The following CYP2C19 variants were observed in gnomAD, a reference collection of about 807,000 sequenced individuals.
CYP2C19 encodes cytochrome P450 2C19.
A neutral mutation model predicts 40.9 loss-of-function variants in CYP2C19; 59 were observed. The observed-to-expected ratio is 1.44, with a 90% CI of 1.17 to 1.79. The LOEUF is 1.79. CYP2C19 is among the 40% of genes most tolerant of loss of function. The pLI is 0.00. For synonymous variants in CYP2C19, 253 were observed against 208.7 expected (o/e 1.21, Z -1.83); for missense variants, 754 against 596.9 (o/e 1.26, Z -2.74).
At chr10:94,820,225 T>G (rs1203097976) in intron 5 of CYP2C19, among the ~76,000 whole-genome samples, 1 of 152,010 alleles carries the variant, frequency 6.6e-6, no homozygotes, top group African/African-American at 2.4e-5. Context: ...AAATTAGGTA[T>G]TGATGGGATG....
rs1285642989 is a variant in CYP2C19, at chr10:94,853,165, ATAT to A, written c.*260_*262del. 2.3e-5 allele frequency: 11 copies of A among 481,180 alleles called. No homozygotes were observed. The Admixed American group carries it at 3.0e-4, about 13-fold the overall frequency. The allele number at this position is 481,180 out of a possible 1,614,324, so 29.8% of individuals were successfully genotyped here. ...ACTTGTCTAATGTTGAGTTATTAAC[ATAT>A]TATTATTAAATAGAGAAAGATGATT... On this transcript the variant is annotated 3_prime_UTR_variant, in exon 9 of 9. Coordinates refer to ENST00000371321, the MANE Select transcript of CYP2C19 (RefSeq NM_000769.4).
chr10:94,826,272 G>T lies in CYP2C19; in HGVS notation c.961+5635G>T, dbSNP rs1320139785. Among the ~76,000 whole-genome samples the T allele has an allele frequency of 2.0e-5, 3 of 152,110 alleles. No homozygotes were observed. The East Asian group carries it at 5.8e-4, about 29-fold the overall frequency. On this transcript the variant is annotated intron_variant, in intron 6 of 8. Coordinates refer to ENST00000371321, the MANE Select transcript of CYP2C19 (RefSeq NM_000769.4). ...GCAGTATGGCCATTTTCACAATATT[G>T]ATTCTTCCGACCCATGAGCATGGAA...
In CYP2C19 at chr10:94,853,059, T is replaced by A; in HGVS notation, c.*145T>A. 1.2e-6 allele frequency: 1 copy of A among 851,446 alleles called. No individual in the cohort carries two copies. Among genetic ancestry groups the A allele is most frequent in the Non-Finnish European group, 1.8e-6 (1 of 558,986 alleles). The allele number at this position is 851,446 out of a possible 1,614,324, so 52.7% of individuals were successfully genotyped here. A position where few individuals can be genotyped will look rare whatever the true frequency, so the allele number is the denominator to read the frequency against. ...AGATCTAGTGAACATTCAGCCTCCA[T>A]TAAAAAAGTTTCACTGTGCAAATAT... On this transcript the variant is annotated 3_prime_UTR_variant, in exon 9 of 9. Coordinates refer to ENST00000371321, the MANE Select transcript of CYP2C19 (RefSeq NM_000769.4).
intron 8 of CYP2C19, among the ~76,000 whole-genome samples, chr10:94,852,530 A>G (rs1279242827): frequency 6.6e-6 from 1 of 152,192 alleles, no homozygotes; most frequent in Admixed American, 6.5e-5. Context: ...TTAGTTGCCT[A>G]TCCATCCATT....
intron 5 of CYP2C19, among the ~76,000 whole-genome samples, chr10:94,786,964 C>G (rs993319862): frequency 5.3e-5 from 8 of 152,066 alleles, no homozygotes; most frequent in Admixed American, 5.2e-4. Flanking sequence ...GACATATGAG[C>G]ACATGTGTCT....
At chr10:94,827,735 A>G (rs1485729874) in intron 6 of CYP2C19, among the ~76,000 whole-genome samples, 10 of 151,928 alleles carry the variant, frequency 6.6e-5, no homozygotes, top group Non-Finnish European at 1.3e-4. Context: ...TTGCTTTTCT[A>G]GTTCTTTTAA....
rs149452866 is a variant in CYP2C19 at position 94,809,776 on chromosome 10, G to C, written c.820-10720G>C. Among the ~76,000 whole-genome samples the C allele has an allele frequency of 3.9e-3, 597 of 152,128 alleles. 1 individual carries two copies. The highest frequency in any genetic ancestry group is 5.9e-3 in the Non-Finnish European group (404 of 67,968). ...TTTATTGAGAGTTTTTAGCATGAAG[G>C]GGAGTTGAATTTTGTCAAAGGCCTT... On this transcript the variant is annotated intron_variant, in intron 5 of 8. Coordinates refer to ENST00000371321, the MANE Select transcript of CYP2C19 (RefSeq NM_000769.4).
rs56401472 is a variant in CYP2C19, at chr10:94,842,937, G to A, written c.1062G>A (p.Glu354=). The stretch of plus-strand genomic sequence containing the variant: ...CCTACACAGATGCTGTGGTGCACGA[G>A]GTCCAGAGATACATCGACCTCATCC... ...HMPYTDAVVH[E]VQRYIDLIPT... The change falls in exon 7 of 9, where the codon GAG becomes GAA. Residue 354 remains glutamate (E), a synonymous_variant. Coordinates refer to ENST00000371321, the MANE Select transcript of CYP2C19 (RefSeq NM_000769.4). 4.1e-4 allele frequency: 668 copies of A among 1,614,202 alleles called. 2 individuals carry two copies. The highest frequency in any genetic ancestry group is 1.2e-3 in the Middle Eastern group (7 of 6,062).
chr10:94,826,524 G>A (rs570224276), intron 6 of CYP2C19, among the ~76,000 whole-genome samples: 5 of 152,296 alleles, frequency 3.3e-5, no homozygotes, highest in African/African-American at 1.2e-4. Context: ...CTGAGACTTT[G>A]CTGAAGTTGT....
At chr10:94,848,146 C>T (rs556964541) in intron 7 of CYP2C19, among the ~76,000 whole-genome samples, 2 of 152,238 alleles carry the variant, frequency 1.3e-5, no homozygotes, top group East Asian at 3.9e-4. Context: ...ACATGAAGTC[C>T]TTGCCCATGC....
intron 6 of CYP2C19, among the ~76,000 whole-genome samples, chr10:94,822,509 A>G (rs1320950471): frequency 1.3e-5 from 2 of 152,020 alleles, no homozygotes; most frequent in East Asian, 3.9e-4. Flanking sequence ...TTTTTTTGCT[A>G]TTGTGAATAG....
chr10:94,795,327 A>C (rs1255112905), intron 5 of CYP2C19, among the ~76,000 whole-genome samples: 2 of 151,994 alleles, frequency 1.3e-5, no homozygotes, highest in East Asian at 3.9e-4. Context: ...TACAAAGGAC[A>C]TGAACTCATC....
intron 5 of CYP2C19, among the ~76,000 whole-genome samples, chr10:94,812,163 G>A (rs574221231): frequency 6.6e-6 from 1 of 152,070 alleles, no homozygotes; most frequent in Non-Finnish European, 1.5e-5. Context: ...TGAAATTCTG[G>A]GTTGAAAATT....
At chr10:94,800,724 G>T (rs530289790) in intron 5 of CYP2C19, among the ~76,000 whole-genome samples, 3 of 152,304 alleles carry the variant, frequency 2.0e-5, no homozygotes, top group African/African-American at 4.8e-5. Context: ...CCTTAGCAAT[G>T]GTGGATGCCC....
At position 94,775,200 on chromosome 10, in the gene CYP2C19, A is replaced by T. The variant is rs1848390317; in HGVS notation, c.311A>T (p.Glu104Val). The part of the protein sequence containing the change: ...FSGRGHFPLA[E>V]RANRGFGIVF... ...GGAAGAGGCCATTTCCCACTGGCTGAAAGAGCTAACAGAGGATTTGGTAGG... is the reference window on the plus strand; with the variant it reads ...GGAAGAGGCCATTTCCCACTGGCTGTAAGAGCTAACAGAGGATTTGGTAGG... The change falls in exon 2 of 9, where the codon GAA (glutamate) becomes GTA (valine). Residue 104 changes from glutamate (E) to valine (V), a missense_variant. Coordinates refer to ENST00000371321, the MANE Select transcript of CYP2C19 (RefSeq NM_000769.4). 3 of 1,614,100 alleles carry T rather than the reference A, an allele frequency of 1.9e-6. No individual in the cohort carries two copies. Among genetic ancestry groups the T allele is most frequent in the African/African-American group, 1.3e-5 (1 of 75,046 alleles).
At position 94,782,868 on chromosome 10, in the gene CYP2C19, C is replaced by A. The variant is rs557751097; in HGVS notation, c.819+871C>A. ...GTAAACTAACACAGGAACAGAAAAC[C>A]AAACACCGTATGTTCTCACTCATAA... On this transcript the variant is annotated intron_variant, in intron 5 of 8. Coordinates refer to ENST00000371321, the MANE Select transcript of CYP2C19 (RefSeq NM_000769.4). Among the ~76,000 whole-genome samples, 3 of 152,192 alleles carry A rather than the reference C, an allele frequency of 2.0e-5. No individual in the cohort carries two copies. The South Asian group carries it at 6.3e-4, about 32-fold the overall frequency.
At chr10:94,797,970 GT>G (rs1386970435) in intron 5 of CYP2C19, among the ~76,000 whole-genome samples, 2 of 151,946 alleles carry the variant, frequency 1.3e-5, no homozygotes, top group Admixed American at 6.6e-5. Flanking sequence ...TTTTTAAAGG[GT>G]TTTTTGTGTC....
chr10:94,796,608 T>G (rs1589356980), intron 5 of CYP2C19, among the ~76,000 whole-genome samples: 1 of 152,150 alleles, frequency 6.6e-6, no homozygotes, highest in Non-Finnish European at 1.5e-5. Flanking sequence ...TTCACGATAT[T>G]GATTCTTCCT....
In CYP2C19 at chr10:94,780,670, G is replaced by GA. The variant is rs755483230; in HGVS notation, c.642+11_642+12insA. On this transcript the variant is annotated intron_variant, in intron 4 of 8. Transcript: ENST00000371321. ...ACCCCCTGGATCCAGGTAAGGCCAA[G>GA]TTTTTTGCTTCCTGAGAAACCACTT... 1 of 1,613,158 alleles carries GA rather than the reference G, an allele frequency of 6.2e-7. No homozygotes were observed. The highest frequency in any genetic ancestry group is 1.1e-5 in the South Asian group (1 of 90,994).
Sources: gnomAD v4.1 joint callset for allele counts (sites outside exome capture counted in the v4.1 genomes callset) on GRCh38, gnomAD v4.1.1 for gene constraint, MANE v1.5 for transcripts, NCBI Gene and HGNC (gene_info 2026-07-23, HGNC 2026-07-21) for gene names.